Variants in UNC13C observed in about 807,000 individuals in gnomAD.
UNC13C encodes the protein unc-13 homolog C.
UNC13C carries 174 observed loss-of-function variants against 245.4 expected under a neutral mutation model. That is an observed-to-expected ratio of 0.71 (90% confidence interval 0.63 to 0.80). The LOEUF (loss-of-function observed/expected upper bound fraction) is 0.80, where lower values mean the gene tolerates loss of function less well. Among genes scored for constraint, UNC13C ranks in the 30% least tolerant of loss-of-function variants. The pLI is 0.00. For missense variants in UNC13C, 2,829 were observed against 2,602.9 expected (o/e 1.09, Z -1.89); for synonymous variants, 992 against 895.1 (o/e 1.11, Z -1.93).
the UNC13C span, among the ~76,000 whole-genome samples, chr15:53,842,714 G>T: frequency 6.6e-6 from 1 of 152,020 alleles, no homozygotes; most frequent in Admixed American, 6.6e-5. Context: ...CTGAGAGAGA[G>T]ATAGAAATTG....
Position 54,116,376 on chromosome 15 carries a change from GTCTA to G in UNC13C, c.2984-26637_2984-26634del, listed in dbSNP as rs1302183177. ...TATTGAACATGATGTCTTATTTTTTGTCTATCTAACTCTATATTTGTGCCCACTA... is the reference window on the plus strand; with the variant it reads ...TATTGAACATGATGTCTTATTTTTTGTCTAACTCTATATTTGTGCCCACTA... On this transcript the variant is annotated intron_variant, in intron 2 of 32. Coordinates refer to ENST00000260323, the MANE Select transcript of UNC13C (RefSeq NM_001080534.3). 1.1e-4 allele frequency among the ~76,000 whole-genome samples: 16 copies of G among 151,872 alleles called. No homozygotes were observed. In the East Asian group the frequency reaches 3.1e-3, roughly 29 times the overall value.
intron 17 of UNC13C, among the ~76,000 whole-genome samples, chr15:54,352,638 T>C (rs1217306305): frequency 6.6e-6 from 1 of 152,020 alleles, no homozygotes; most frequent in Non-Finnish European, 1.5e-5. Context: ...GTATTTTTGC[T>C]ATCACTCATA....
At chr15:53,953,443 G>C in the UNC13C span, among the ~76,000 whole-genome samples, 1 of 152,174 alleles carries the variant, frequency 6.6e-6, no homozygotes, top group Non-Finnish European at 1.5e-5. Context: ...CAACCCTAAG[G>C]ACTCTCTAGA....
chr15:54,095,931 A>G (rs1029313463), intron 2 of UNC13C, among the ~76,000 whole-genome samples: 1 of 152,214 alleles, frequency 6.6e-6, no homozygotes, highest in Admixed American at 6.5e-5. Flanking sequence ...GTCTTGAAAG[A>G]CACACAGCAC....
chr15:53,995,161 G>T (rs1346150286), intron 1 of UNC13C, among the ~76,000 whole-genome samples: 1 of 151,938 alleles, frequency 6.6e-6, no homozygotes, highest in East Asian at 1.9e-4. Context: ...GACCCAACTG[G>T]TCAACAAACA....
At chr15:54,595,354 C>A (rs1163598914) in intron 30 of UNC13C, among the ~76,000 whole-genome samples, 9 of 152,092 alleles carry the variant, frequency 5.9e-5, no homozygotes, top group African/African-American at 2.2e-4. Flanking sequence ...ACTGGCACCC[C>A]AGAAACTCTC....
the UNC13C span, among the ~76,000 whole-genome samples, chr15:53,953,206 C>G: frequency 4.6e-5 from 7 of 152,142 alleles, no homozygotes; most frequent in African/African-American, 1.7e-4. Context: ...GATCAGAGAT[C>G]ACATTTTATT....
chr15:54,425,766 A>G (rs868258972), intron 19 of UNC13C, among the ~76,000 whole-genome samples: 8 of 151,876 alleles, frequency 5.3e-5, no homozygotes, highest in African/African-American at 1.4e-4. Context: ...CATCTATGCA[A>G]CAAATTATCA....
intron 13 of UNC13C, among the ~76,000 whole-genome samples, chr15:54,307,889 A>C (rs976067740): frequency 6.6e-6 from 1 of 151,974 alleles, no homozygotes; most frequent in Non-Finnish European, 1.5e-5. Flanking sequence ...AGAATGAATA[A>C]AATTCTAACT....
chr15:54,572,178 C>G (rs1897785531), intron 30 of UNC13C, among the ~76,000 whole-genome samples: 1 of 151,882 alleles, frequency 6.6e-6, no homozygotes, highest in Admixed American at 6.6e-5. Flanking sequence ...AAACTCTGTG[C>G]CCTGACCTCT....
intron 4 of UNC13C, among the ~76,000 whole-genome samples, chr15:54,196,504 A>G (rs981614821): frequency 2.0e-5 from 3 of 152,184 alleles, no homozygotes; most frequent in Non-Finnish European, 4.4e-5. Context: ...TAACCTTAGT[A>G]CCCAAATCAG....
chr15:53,968,975 T>C, the UNC13C span, among the ~76,000 whole-genome samples: 1 of 152,214 alleles, frequency 6.6e-6, no homozygotes, highest in Non-Finnish European at 1.5e-5. Context: ...TTGAATTTTA[T>C]CACGCTCGAC....
At chr15:53,855,684 G>A in the UNC13C span, among the ~76,000 whole-genome samples, 19,187 of 152,074 alleles carry the variant, frequency 0.13, 1,368 homozygotes, top group Admixed American at 0.2. Context: ...TGCTGGATTC[G>A]ATTTGCCAGT....
chr15:54,581,136 G>C (rs988985113), intron 30 of UNC13C, among the ~76,000 whole-genome samples: 20 of 152,184 alleles, frequency 1.3e-4, no homozygotes, highest in African/African-American at 4.1e-4. Flanking sequence ...TTTCAGAAGG[G>C]GAGAGATGAC....
intron 2 of UNC13C, among the ~76,000 whole-genome samples, chr15:54,079,712 G>T (rs1301119767): frequency 1.3e-5 from 2 of 152,014 alleles, no homozygotes; most frequent in African/African-American, 4.8e-5. Context: ...TCTTTTAAAA[G>T]AATCATTAAG....
intron 18 of UNC13C, among the ~76,000 whole-genome samples, chr15:54,408,889 T>C (rs2040362067): frequency 6.6e-6 from 1 of 152,212 alleles, no homozygotes. Flanking sequence ...TTCATGTCAA[T>C]TGAAAGAGAT....
intron 2 of UNC13C, among the ~76,000 whole-genome samples, chr15:54,094,412 A>G (rs999487215): frequency 6.6e-6 from 1 of 152,164 alleles, no homozygotes; most frequent in African/African-American, 2.4e-5. Context: ...AGCACCTTCA[A>G]AGCTAAGACA....
At chr15:54,317,624 A>T (rs1231563809) in intron 13 of UNC13C, among the ~76,000 whole-genome samples, 3 of 151,954 alleles carry the variant, frequency 2.0e-5, no homozygotes, top group Admixed American at 2.0e-4. Flanking sequence ...CTGACAGATA[A>T]AATTATACAT....
At chr15:54,387,092 G>T (rs1405118305) in intron 17 of UNC13C, among the ~76,000 whole-genome samples, 1 of 152,094 alleles carries the variant, frequency 6.6e-6, no homozygotes, top group Non-Finnish European at 1.5e-5. Context: ...TTGGGGCCCA[G>T]ACAAGGAGTG....
Sources: gnomAD v4.1 joint callset for allele counts (sites outside exome capture counted in the v4.1 genomes callset) on GRCh38, gnomAD v4.1.1 for gene constraint, MANE v1.5 for transcripts, NCBI Gene and HGNC (gene_info 2026-07-23, HGNC 2026-07-21) for gene names.